The following NBAS variants were observed in gnomAD, a reference collection of about 807,000 sequenced individuals.
NBAS encodes NAG/BC035112 fusion.
A neutral mutation model predicts 302.5 loss-of-function variants in NBAS; 219 were observed. The ratio of observed to expected loss-of-function variants is 0.72; its 90% CI spans 0.65 to 0.81. NBAS has a LOEUF of 0.81. NBAS is among the 30% of genes least tolerant of loss of function. The pLI is 0.00. For missense variants in NBAS, 2,932 were observed against 2,841.6 expected (o/e 1.03, Z -0.72); for synonymous variants, 1,118 against 1,021.6 (o/e 1.09, Z -1.80).
chr2:14,934,117 G>A, the NBAS span, among the ~76,000 whole-genome samples: 1 of 152,066 alleles, frequency 6.6e-6, no homozygotes, highest in East Asian at 1.9e-4. Flanking sequence ...AAATGGAAAG[G>A]CTAGATCATT....
intron 44 of NBAS, among the ~76,000 whole-genome samples, chr2:15,259,263 C>T (rs923224594): frequency 3.3e-5 from 5 of 152,116 alleles, no homozygotes. Context: ...AATTGCATTA[C>T]AATAAAATTA....
chr2:14,821,052 A>G, the NBAS span, among the ~76,000 whole-genome samples: 7,800 of 151,732 alleles, frequency 0.051, 206 homozygotes, highest in Non-Finnish European at 0.058. Context: ...TAAGCCTTCC[A>G]TGTAGCTGGG....
chr2:15,318,525 A>G (rs1430238708), intron 38 of NBAS, among the ~76,000 whole-genome samples: 3 of 152,190 alleles, frequency 2.0e-5, no homozygotes, highest in Non-Finnish European at 4.4e-5. Context: ...AGTCATACAT[A>G]GCCTCAAAAT....
the NBAS span, among the ~76,000 whole-genome samples, chr2:14,861,006 A>G: frequency 6.6e-6 from 1 of 152,186 alleles, no homozygotes; most frequent in African/African-American, 2.4e-5. Context: ...AATAAATTAA[A>G]ATTTCAAAAA....
chr2:15,098,511 A>G, the NBAS span, among the ~76,000 whole-genome samples: 518 of 111,580 alleles, frequency 4.6e-3, 2 homozygotes, highest in African/African-American at 8.7e-3. Context: ...TATATATTAT[A>G]TATTGTATAT....
Position 15,179,076 on chromosome 2 carries a change from A to C in NBAS, c.6752T>G (p.Leu2251Arg). The C allele has an allele frequency of 6.2e-7, 1 of 1,614,156 alleles. No individual in the cohort carries two copies. Among genetic ancestry groups the C allele is most frequent in the South Asian group, 1.1e-5 (1 of 91,072 alleles). Residue 2251 changes from leucine (L) to arginine (R), a missense_variant, in exon 51 of 52, where the codon CTC (leucine) becomes CGC (arginine). Transcript: ENST00000281513. ...ELCLLLLNQS[L>R]LLPSLKLLLE... Reference sequence around the variant, plus strand: ...GAGAAGTTTCAGAGATGGAAGCAGGAGGGACTGGTTAAGCAGCAGCAGACA... The same window carrying C: ...GAGAAGTTTCAGAGATGGAAGCAGGCGGGACTGGTTAAGCAGCAGCAGACA...
At chr2:15,175,982 T>C (rs1664519173) in intron 51 of NBAS, among the ~76,000 whole-genome samples, 2 of 152,214 alleles carry the variant, frequency 1.3e-5, no homozygotes, top group South Asian at 2.1e-4. Flanking sequence ...CTCTGCCAGA[T>C]GTTTTTCTTT....
intron 35 of NBAS, among the ~76,000 whole-genome samples, chr2:15,348,022 T>G (rs1050892722): frequency 6.6e-6 from 1 of 152,238 alleles, no homozygotes; most frequent in Non-Finnish European, 1.5e-5. Context: ...AGTATTAAAG[T>G]AGATTACACA....
intron 6 of NBAS, among the ~76,000 whole-genome samples, chr2:15,541,573 CA>C (rs1663822744): frequency 6.6e-6 from 1 of 151,840 alleles, no homozygotes; most frequent in Non-Finnish European, 1.5e-5. Flanking sequence ...TAAAAGTATA[CA>C]AAAAAATCCC....
At chr2:15,432,410 G>C (rs937227250) in intron 21 of NBAS, among the ~76,000 whole-genome samples, 1 of 151,984 alleles carries the variant, frequency 6.6e-6, no homozygotes, top group African/African-American at 2.4e-5. Flanking sequence ...AAACTACGCT[G>C]GCTTTCATTT....
the NBAS span, among the ~76,000 whole-genome samples, chr2:14,787,451 G>A: frequency 6.6e-6 from 1 of 152,192 alleles, no homozygotes; most frequent in Non-Finnish European, 1.5e-5. Context: ...ATTTTGCAGT[G>A]GCTGGTACCG....
the NBAS span, among the ~76,000 whole-genome samples, chr2:15,014,203 T>C: frequency 6.6e-6 from 1 of 152,186 alleles, no homozygotes; most frequent in Non-Finnish European, 1.5e-5. Context: ...AAATAATATT[T>C]GGGATTTCTC....
At chr2:14,970,243 T>A in the NBAS span, among the ~76,000 whole-genome samples, 1 of 152,202 alleles carries the variant, frequency 6.6e-6, no homozygotes, top group African/African-American at 2.4e-5. Flanking sequence ...AAATACTGCA[T>A]ATATATTTCT....
chr2:15,374,445 T>C (rs1674635637), intron 31 of NBAS, among the ~76,000 whole-genome samples, 163 bp downstream of exon 31: 1 of 152,188 alleles, frequency 6.6e-6, no homozygotes, highest in South Asian at 2.1e-4. Flanking sequence ...TTCTTTTGGG[T>C]TTCCACTTGA....
At chr2:15,303,777 TTTAA>T (rs1459388451) in intron 40 of NBAS, among the ~76,000 whole-genome samples, 1 of 152,358 alleles carries the variant, frequency 6.6e-6, no homozygotes, top group East Asian at 1.9e-4. Context: ...AGAGAACTAC[TTTAA>T]TTAAAGAAAT....
chr2:14,795,817 T>C, the NBAS span, among the ~76,000 whole-genome samples: 3 of 152,132 alleles, frequency 2.0e-5, no homozygotes, highest in Non-Finnish European at 4.4e-5. Context: ...CAACCCCAAC[T>C]GTAACAGCCA....
intron 33 of NBAS, among the ~76,000 whole-genome samples, chr2:15,356,072 G>A (rs777722335): frequency 1.3e-5 from 2 of 152,078 alleles, no homozygotes; most frequent in Non-Finnish European, 2.9e-5. Context: ...TTTGAATAGG[G>A]ACTAGAAAGC....
chr2:14,907,775 T>A, the NBAS span: 1 of 152,254 alleles, frequency 6.6e-6, no homozygotes, highest in Non-Finnish European at 1.5e-5. Flanking sequence ...ACCTTGCTTG[T>A]AGCTGGCGAA....
At chr2:15,153,844 G>A in the NBAS span, among the ~76,000 whole-genome samples, 4 of 152,188 alleles carry the variant, frequency 2.6e-5, no homozygotes, top group Non-Finnish European at 5.9e-5. Flanking sequence ...TAGGAACCTT[G>A]TAAGTAATAA....
Sources: gnomAD v4.1 joint callset for allele counts (sites outside exome capture counted in the v4.1 genomes callset) on GRCh38, gnomAD v4.1.1 for gene constraint, MANE v1.5 for transcripts, NCBI Gene and HGNC (gene_info 2026-07-23, HGNC 2026-07-21) for gene names.